Variants in KDM2B observed in about 807,000 individuals in gnomAD.
The protein encoded by KDM2B is lysine demethylase 2B, also known as lysine-specific demethylase 2B.
In KDM2B, 26 loss-of-function variants were observed where a neutral mutation model predicts 150.0. The ratio of observed to expected loss-of-function variants is 0.17; its 90% confidence interval spans 0.13 to 0.24. The LOEUF is 0.24. KDM2B is among the 10% of genes least tolerant of loss of function. KDM2B has a pLI of 1.00. For synonymous variants in KDM2B, 734 were observed against 729.5 expected (o/e 1.01, Z -0.10); for missense variants, 1,265 against 1,816.9 (o/e 0.70, Z 5.52).
intron 12 of KDM2B, among the ~76,000 whole-genome samples, chr12:121,463,303 G>T (rs1315402299): frequency 6.6e-6 from 1 of 150,974 alleles, no homozygotes; most frequent in African/African-American, 2.5e-5. Context: ...ACAACAGAGC[G>T]AGACTCCGTC....
At position 121,578,954 on chromosome 12, in the gene KDM2B, G is replaced by A. The variant is rs200355145; in HGVS notation, c.127-8C>T. 3.5e-5 allele frequency: 57 copies of A among 1,610,448 alleles called. No individual in the cohort carries two copies. The highest frequency in any genetic ancestry group is 5.0e-5 in the Admixed American group (3 of 59,856). On this transcript the variant is annotated splice_region_variant and splice_polypyrimidine_tract_variant and intron_variant, in intron 1 of 22. Coordinates refer to ENST00000377071, the MANE Select transcript of KDM2B (RefSeq NM_032590.5). ...CTGGCGGTCAATCGGGCGCTGCGAG[G>A]ACCCAAACCAGAGAGCCCGGGACAT... is the stretch of plus-strand genomic sequence containing the variant.
In KDM2B at chr12:121,540,371, A is replaced by G. The variant is rs1888511068; in HGVS notation, c.684-5781T>C. ...ATAATGCCAGCAAACACAGCTGATGAGAGAGTAGGTCTTGAGGTTAAGGGT... is the reference window on the plus strand; with the variant it reads ...ATAATGCCAGCAAACACAGCTGATGGGAGAGTAGGTCTTGAGGTTAAGGGT... On this transcript the variant is annotated intron_variant, in intron 6 of 22. Coordinates refer to ENST00000377071, the MANE Select transcript of KDM2B (RefSeq NM_032590.5). 2.0e-5 allele frequency among the ~76,000 whole-genome samples: 3 copies of G among 152,132 alleles called. No individual in the cohort carries two copies. The South Asian group carries it at 6.2e-4, about 31-fold the overall frequency.
chr12:121,428,358 A>G (rs1326018290), downstream of KDM2B, among the ~76,000 whole-genome samples: 4 of 152,040 alleles, frequency 2.6e-5, no homozygotes, highest in African/African-American at 9.7e-5. Flanking sequence ...ACTCCTGGCT[A>G]ATTTTTGTAT....
intron 8 of KDM2B, among the ~76,000 whole-genome samples, 170 bp downstream of exon 8, chr12:121,532,636 G>A (rs895511489): frequency 2.6e-5 from 4 of 152,226 alleles, no homozygotes; most frequent in Middle Eastern, 3.2e-3. Flanking sequence ...CAGGTGGGAT[G>A]TGAGGGGAAA....
intron 9 of KDM2B, among the ~76,000 whole-genome samples, chr12:121,514,114 C>T (rs1318109147): frequency 1.3e-5 from 2 of 152,116 alleles, no homozygotes; most frequent in East Asian, 1.9e-4. Context: ...AGACACATCT[C>T]GGGTCTGGAG....
At chr12:121,499,301 T>TA (rs1884289093) in intron 11 of KDM2B, among the ~76,000 whole-genome samples, 2 of 150,572 alleles carry the variant, frequency 1.3e-5, no homozygotes, top group South Asian at 4.2e-4. Context: ...TTTTTTTTTT[T>TA]AGTAGAGACA....
intron 4 of KDM2B, among the ~76,000 whole-genome samples, chr12:121,563,589 A>G (rs1555314244): frequency 6.6e-6 from 1 of 151,328 alleles, no homozygotes; most frequent in Non-Finnish European, 1.5e-5. Flanking sequence ...CCTGGGTGAT[A>G]GAGTGAGACT....
At chr12:121,487,667 A>T (rs1555299145) in intron 12 of KDM2B, among the ~76,000 whole-genome samples, 1 of 152,142 alleles carries the variant, frequency 6.6e-6, no homozygotes, top group Non-Finnish European at 1.5e-5. Context: ...GACCCAGTAG[A>T]GAACCCCATG....
chr12:121,508,293 G>C (rs1317386211), intron 11 of KDM2B, among the ~76,000 whole-genome samples: 5 of 151,960 alleles, frequency 3.3e-5, no homozygotes, highest in Admixed American at 3.3e-4. Flanking sequence ...CCCTATGTTG[G>C]CCAGGCTGGG....
chr12:121,411,503 T>C, the KDM2B span, among the ~76,000 whole-genome samples: 29,063 of 152,196 alleles, frequency 0.19, 4,297 homozygotes, highest in African/African-American at 0.41. Flanking sequence ...AAAATTGTAT[T>C]CTTCCCTAAT....
At chr12:121,570,433 A>G (rs1327177269) in intron 4 of KDM2B, among the ~76,000 whole-genome samples, 1 of 151,902 alleles carries the variant, frequency 6.6e-6, no homozygotes, top group African/African-American at 2.4e-5. Context: ...CGATCCTCCT[A>G]CCTTGGCCTC....
chr12:121,442,693 G>A lies in KDM2B; in HGVS notation c.2748C>T (p.Thr916=), dbSNP rs1555288842. 1.4e-5 allele frequency: 22 copies of A among 1,598,208 alleles called. No homozygotes were observed. Among genetic ancestry groups the A allele is most frequent in the Middle Eastern group, 1.7e-4 (1 of 5,974 alleles). The part of the protein sequence containing the change: ...ESDHSRSSSP[T]AGPSTEGAEG... Reference sequence around the variant, plus strand: ...CGGCCCCTTCGGTGCTGGGTCCCGCGGTGGGGGAGCTGGAGCGGGAGTGGT... The same window carrying A: ...CGGCCCCTTCGGTGCTGGGTCCCGCAGTGGGGGAGCTGGAGCGGGAGTGGT... Residue 916 remains threonine, a synonymous_variant, in exon 19 of 23, where the codon ACC becomes ACT. Transcript: ENST00000377071. The surrounding 1 kb of genome is among the most constrained non-coding windows in gnomAD (Gnocchi z 7.7).
At chr12:121,551,651 C>T (rs1190676117) in intron 4 of KDM2B, among the ~76,000 whole-genome samples, 1 of 152,174 alleles carries the variant, frequency 6.6e-6, no homozygotes, top group South Asian at 2.1e-4. Context: ...CTGCGGGGTT[C>T]AAGTGATTCT....
intron 4 of KDM2B, among the ~76,000 whole-genome samples, chr12:121,561,888 T>C (rs1232678869): frequency 6.6e-6 from 1 of 152,198 alleles, no homozygotes; most frequent in East Asian, 1.9e-4. Flanking sequence ...AAACCAACTT[T>C]AGGCCGGGAG....
chr12:121,440,287 G>T, intron 21 of KDM2B: 1 of 586,008 alleles, frequency 1.7e-6, no homozygotes, highest in East Asian at 2.8e-5. Context: ...AAAACTAAAA[G>T]ACCTAGAAAC....
At position 121,513,739 on chromosome 12, in the gene KDM2B, G is replaced by T. The variant is rs1166838103; in HGVS notation, c.1048-337C>A. 6.6e-6 allele frequency among the ~76,000 whole-genome samples: 1 copy of T among 152,196 alleles called. No homozygotes were observed. The highest frequency in any genetic ancestry group is 6.5e-5 in the Admixed American group (1 of 15,274). ...CCTGCAGAGAGTGTGGGCACCTGCA[G>T]GTGGGAGCCGCTGCCTGATTCTAGC... On this transcript the variant is annotated intron_variant, in intron 9 of 22. Coordinates refer to ENST00000377071, the MANE Select transcript of KDM2B (RefSeq NM_032590.5). The surrounding 1 kb of genome is among the most constrained non-coding windows in gnomAD (Gnocchi z 5.0).
chr12:121,435,591 G>A (rs782512289), intron 22 of KDM2B, among the ~76,000 whole-genome samples: 1 of 152,136 alleles, frequency 6.6e-6, no homozygotes. Flanking sequence ...GAAGACTGGG[G>A]TTTTAGTCTC....
chr12:121,510,796 A>AAATAAT (rs58239095), intron 10 of KDM2B, among the ~76,000 whole-genome samples: 102 of 146,486 alleles, frequency 7.0e-4, no homozygotes, highest in Non-Finnish European at 1.3e-3. Flanking sequence ...CTGTCTCAAA[A>AAATAAT]AATAATAATA....
intron 12 of KDM2B, among the ~76,000 whole-genome samples, chr12:121,473,117 G>A (rs117784034): frequency 0.015 from 2,233 of 152,250 alleles, 48 homozygotes; most frequent in East Asian, 0.13. Context: ...CAGGTTGGGC[G>A]CAGTGGCTCA....
Sources: gnomAD v4.1 joint callset for allele counts (sites outside exome capture counted in the v4.1 genomes callset) on GRCh38, gnomAD v4.1.1 for gene constraint, Gnocchi (gnomAD v3.1) non-coding constraint, MANE v1.5 for transcripts, NCBI Gene and HGNC (gene_info 2026-07-23, HGNC 2026-07-21) for gene names.